NUFIP1: variants seen among roughly 807,000 people sequenced by gnomAD.
NUFIP1 encodes the protein nuclear FMR1 interacting protein 1, also known as FMR1-interacting protein NUFIP1.
Under a neutral mutation model 56.2 loss-of-function variants are expected in NUFIP1, and 38 were observed. The ratio of observed to expected loss-of-function variants is 0.68; its 90% CI spans 0.52 to 0.89. The LOEUF (loss-of-function observed/expected upper bound fraction) is 0.89. Ranked by LOEUF, NUFIP1 falls within the 40% of genes least tolerant of loss-of-function variation. The pLI is 0.00. For missense variants in NUFIP1, 567 were observed against 605.8 expected (o/e 0.94, Z 0.67); for synonymous variants, 215 against 212.4 (o/e 1.01, Z -0.10).
chr13:44,983,699 A>T (rs1872279229), intron 1 of NUFIP1, among the ~76,000 whole-genome samples: 3 of 152,174 alleles, frequency 2.0e-5, no homozygotes, highest in Admixed American at 2.0e-4. Context: ...TGTGAGGCTG[A>T]GATGGGAGAA....
At chr13:44,943,268 T>C (rs1001839950) in intron 9 of NUFIP1, among the ~76,000 whole-genome samples, 174 bp downstream of exon 9, 3 of 152,254 alleles carry the variant, frequency 2.0e-5, no homozygotes, top group African/African-American at 7.2e-5. Flanking sequence ...ATTCACTGAA[T>C]ATACCAGCTA....
At position 44,941,248 on chromosome 13, in the gene NUFIP1, A is replaced by G. The variant is rs745816591; in HGVS notation, c.1446T>C (p.Phe482=). ...QCVRYIIKKD[F]FGLDTNSAKS... Reference sequence around the variant, plus strand: ...TCGCAGAATTAGTATCCAGTCCAAAAAAGTCTTTTTTGATGATGTACCGAA... The same window carrying G: ...TCGCAGAATTAGTATCCAGTCCAAAGAAGTCTTTTTTGATGATGTACCGAA... Residue 482 remains phenylalanine, a synonymous_variant, in exon 10 of 10, where the codon TTT becomes TTC. Transcript: ENST00000379161. The G allele has an allele frequency of 3.1e-6, 5 of 1,611,768 alleles. No homozygotes were observed. Among genetic ancestry groups the G allele is most frequent in the Non-Finnish European group, 4.2e-6 (5 of 1,179,094 alleles).
chr13:44,973,022 A>T (rs912638033), intron 5 of NUFIP1, among the ~76,000 whole-genome samples: 4 of 152,258 alleles, frequency 2.6e-5, no homozygotes, highest in African/African-American at 7.2e-5. Flanking sequence ...TTTCTTGCTA[A>T]CATTAGAAAA....
At chr13:44,983,209 C>G (rs1872258285) in intron 1 of NUFIP1, among the ~76,000 whole-genome samples, 1 of 152,006 alleles carries the variant, frequency 6.6e-6, no homozygotes, top group Non-Finnish European at 1.5e-5. Flanking sequence ...CAGTTTCGCT[C>G]TTGTTGGCCA....
intron 7 of NUFIP1, among the ~76,000 whole-genome samples, chr13:44,951,554 A>G (rs1871084373): frequency 6.6e-6 from 1 of 152,224 alleles, no homozygotes; most frequent in South Asian, 2.1e-4. Context: ...TTTATGGTCC[A>G]CAATAATGCT....
intron 1 of NUFIP1, among the ~76,000 whole-genome samples, chr13:44,982,882 C>A (rs1872243116): frequency 6.6e-6 from 1 of 152,112 alleles, no homozygotes; most frequent in African/African-American, 2.4e-5. Context: ...ATGGCATGCA[C>A]CTGTAGTCCT....
chr13:44,971,924 C>A (rs1262153263), intron 5 of NUFIP1, among the ~76,000 whole-genome samples: 1 of 151,930 alleles, frequency 6.6e-6, no homozygotes, highest in Non-Finnish European at 1.5e-5. Flanking sequence ...TTTTTTTTAA[C>A]CTTGGGAAAA....
chr13:44,969,758 T>C (rs1372238685), intron 5 of NUFIP1, among the ~76,000 whole-genome samples: 3 of 152,184 alleles, frequency 2.0e-5, no homozygotes, highest in Non-Finnish European at 4.4e-5. Flanking sequence ...CTAACCATTA[T>C]CTTAGCACAG....
At chr13:44,946,716 C>A (rs1870912215) in intron 8 of NUFIP1, among the ~76,000 whole-genome samples, 1 of 152,122 alleles carries the variant, frequency 6.6e-6, no homozygotes, top group Non-Finnish European at 1.5e-5. Context: ...TATGAAGACA[C>A]AATTGTTAAA....
chr13:44,958,023 A>G (rs1871300947), intron 7 of NUFIP1, among the ~76,000 whole-genome samples: 1 of 152,204 alleles, frequency 6.6e-6, no homozygotes, highest in Middle Eastern at 3.2e-3. Flanking sequence ...GAAAACAAAC[A>G]AAAAATCAGT....
intron 2 of NUFIP1, 57 bp from the exon 3 acceptor site, chr13:44,980,877 T>C: frequency 9.1e-7 from 1 of 1,098,796 alleles, no homozygotes; most frequent in Non-Finnish European, 1.3e-6. Flanking sequence ...TAATCAATAA[T>C]AAAAACATAA....
intron 5 of NUFIP1, among the ~76,000 whole-genome samples, chr13:44,973,423 C>G (rs1264311161): frequency 6.6e-6 from 1 of 152,212 alleles, no homozygotes; most frequent in Admixed American, 6.5e-5. Context: ...ATACAAGTCT[C>G]AGTAAGACTT....
In NUFIP1 at chr13:44,949,824, C is replaced by T. The variant is rs747393873; in HGVS notation, c.1036G>A (p.Glu346Lys). The change falls in exon 8 of 10, where the codon GAG becomes AAG. Residue 346 changes from glutamate to lysine, a missense_variant. By Grantham distance (56) the Glu-to-Lys change is moderately conservative. Coordinates refer to ENST00000379161, the MANE Select transcript of NUFIP1 (RefSeq NM_012345.3). The part of the protein sequence containing the change: ...INSDSESDKE[E>K]KPQHSVIPKE... ...GGTATCACAGAATGTTGTGGTTTCT[C>T]CTCCTTATCAGACTCTGAAGGGAAA... The T allele has an allele frequency of 6.2e-7, 1 of 1,613,618 alleles. No individual in the cohort carries two copies. The highest frequency in any genetic ancestry group is 8.5e-7 in the Non-Finnish European group (1 of 1,179,524).
intron 5 of NUFIP1, among the ~76,000 whole-genome samples, chr13:44,975,346 TG>T (rs1382664185): frequency 1.3e-5 from 2 of 152,118 alleles, no homozygotes; most frequent in African/African-American, 4.8e-5. Flanking sequence ...GACTCAACAA[TG>T]TCCAACCCAA....
At chr13:44,981,940 T>C (rs557417622) in intron 2 of NUFIP1, 132 bp downstream of exon 2, 3 of 436,318 alleles carry the variant, frequency 6.9e-6, no homozygotes, top group East Asian at 3.6e-5. Context: ...ACCATAAAAT[T>C]CCTTTTTATA....
In NUFIP1 at chr13:44,959,504, T is replaced by C; in HGVS notation, c.898A>G (p.Lys300Glu). The change falls in exon 7 of 10, where the codon AAA (lysine) becomes GAA (glutamate). Residue 300 changes from lysine (K) to glutamate (E), a missense_variant. Lys to Glu is a moderately conservative substitution (Grantham distance 56). Transcript: ENST00000379161. The part of the protein sequence containing the change: ...IRSPGKNHKW[K>E]NDNSRQRAVT... Reference sequence around the variant, plus strand: ...GCTCTCTGTCTAGAATTGTCGTTTTTCCATTTGTGATTCTTGCCAGGACTT... The same window carrying C: ...GCTCTCTGTCTAGAATTGTCGTTTTCCCATTTGTGATTCTTGCCAGGACTT... 1.2e-6 allele frequency: 2 copies of C among 1,614,120 alleles called. No individual in the cohort carries two copies. The highest frequency in any genetic ancestry group is 1.7e-6 in the Non-Finnish European group (2 of 1,180,008).
chr13:44,957,700 T>A (rs1481304139), intron 7 of NUFIP1, among the ~76,000 whole-genome samples: 2 of 152,190 alleles, frequency 1.3e-5, no homozygotes, highest in Non-Finnish European at 2.9e-5. Flanking sequence ...AAATACTTTT[T>A]TTTTTTAAAT....
chr13:44,959,570 T>C lies in NUFIP1; in HGVS notation c.832A>G (p.Met278Val), dbSNP rs768074179. ...AVLTTTQYGK[M>V]KGMSRHSQMA... ...TGTGAATGTCTGGACATCCCCTTCA[T>C]CTTGCTGGAGTAAGAAAATTGCAAT... The change falls in exon 7 of 10, where the codon ATG becomes GTG. Residue 278 changes from methionine (M) to valine (V), a missense_variant. Transcript: ENST00000379161. 6 of 1,602,738 alleles carry C rather than the reference T, an allele frequency of 3.7e-6. No individual in the cohort carries two copies. The highest frequency in any genetic ancestry group is 2.2e-5 in the East Asian group (1 of 44,816).
chr13:44,973,832 G>T (rs891184180), intron 5 of NUFIP1, among the ~76,000 whole-genome samples: 1 of 152,082 alleles, frequency 6.6e-6, no homozygotes, highest in African/African-American at 2.4e-5. Flanking sequence ...GCAGCAGCAC[G>T]AACAAAACTA....
Sources: gnomAD v4.1 joint callset for allele counts (sites outside exome capture counted in the v4.1 genomes callset) on GRCh38, gnomAD v4.1.1 for gene constraint, MANE v1.5 for transcripts, NCBI Gene and HGNC (gene_info 2026-07-23, HGNC 2026-07-21) for gene names.